Variants in SLC24A2 observed in about 807,000 individuals in gnomAD.
The protein encoded by SLC24A2 is solute carrier family 24 member 2.
Under a neutral mutation model 62.0 loss-of-function variants are expected in SLC24A2, and 36 were observed. The observed-to-expected ratio is 0.58, with a 90% CI of 0.44 to 0.77. The LOEUF (loss-of-function observed/expected upper bound fraction) is 0.77. Among genes scored for constraint, SLC24A2 ranks in the 30% least tolerant of loss-of-function variants. The probability of loss-of-function intolerance (pLI) is 0.00; values close to 1 mark genes in which losing one functional copy is unlikely to be tolerated. For missense variants in SLC24A2, 846 were observed against 817.9 expected, an observed-to-expected ratio of 1.03 and a Z score of -0.42; for synonymous variants, 358 against 294.0, an observed-to-expected ratio of 1.22 and a Z score of -2.23.
chr9:19,792,442 C>G (rs923304285), upstream of SLC24A2, among the ~76,000 whole-genome samples: 2 of 150,872 alleles, frequency 1.3e-5, no homozygotes, highest in African/African-American at 2.4e-5. Flanking sequence ...CGCCTTTAAT[C>G]CCAGCACTTT....
At chr9:19,647,919 A>G (rs1587092494) in intron 2 of SLC24A2, among the ~76,000 whole-genome samples, 1 of 152,198 alleles carries the variant, frequency 6.6e-6, no homozygotes, top group East Asian at 1.9e-4. Flanking sequence ...TCCAATAACG[A>G]TTGTGAATCC....
At chr9:19,725,009 C>T (rs911765801) in intron 2 of SLC24A2, among the ~76,000 whole-genome samples, 2 of 152,160 alleles carry the variant, frequency 1.3e-5, no homozygotes, top group Non-Finnish European at 2.9e-5. Flanking sequence ...ACCTTTCCAG[C>T]GCTGGTCTGC....
the SLC24A2 span, among the ~76,000 whole-genome samples, chr9:20,095,080 T>A: frequency 6.6e-6 from 1 of 152,138 alleles, no homozygotes. Flanking sequence ...GTAGCAGATA[T>A]GACATCCTGT....
chr9:19,988,713 T>C, the SLC24A2 span, among the ~76,000 whole-genome samples: 8 of 152,160 alleles, frequency 5.3e-5, no homozygotes, highest in African/African-American at 1.9e-4. Context: ...GTTCTGCTTT[T>C]GTGGAAGTAC....
the SLC24A2 span, among the ~76,000 whole-genome samples, chr9:19,861,647 C>G: frequency 6.6e-6 from 1 of 151,974 alleles, no homozygotes; most frequent in African/African-American, 2.4e-5. Context: ...ACAGATAACT[C>G]AAAATAGCTT....
chr9:20,286,582 G>T, the SLC24A2 span, among the ~76,000 whole-genome samples: 3 of 152,330 alleles, frequency 2.0e-5, no homozygotes, highest in South Asian at 2.1e-4. Flanking sequence ...TGCTGCAAGG[G>T]GGGGCTGAGA....
chr9:19,527,732 A>G (rs373907402), intron 9 of SLC24A2, among the ~76,000 whole-genome samples: 45 of 152,212 alleles, frequency 3.0e-4, no homozygotes, highest in African/African-American at 1.1e-3. Flanking sequence ...AGTCAGTACT[A>G]CTGAACCAGG....
the SLC24A2 span, among the ~76,000 whole-genome samples, chr9:19,948,897 C>CAGA: frequency 6.6e-6 from 1 of 151,088 alleles, no homozygotes; most frequent in Non-Finnish European, 1.5e-5. Context: ...GGTGGGGTCT[C>CAGA]AGAGATTTAA....
At chr9:20,081,121 T>C in the SLC24A2 span, among the ~76,000 whole-genome samples, 1 of 152,186 alleles carries the variant, frequency 6.6e-6, no homozygotes, top group African/African-American at 2.4e-5. Context: ...AGCCATCCCA[T>C]TACTGGGCAT....
the SLC24A2 span, among the ~76,000 whole-genome samples, chr9:20,145,686 A>C: frequency 6.6e-6 from 1 of 151,642 alleles, no homozygotes; most frequent in Middle Eastern, 3.2e-3. Context: ...CAACATATAC[A>C]ATCCTACCCC....
At chr9:20,053,104 A>T in the SLC24A2 span, among the ~76,000 whole-genome samples, 1 of 152,200 alleles carries the variant, frequency 6.6e-6, no homozygotes, top group Non-Finnish European at 1.5e-5. Context: ...TTTGACAGCC[A>T]TCTTGTCTCT....
the SLC24A2 span, among the ~76,000 whole-genome samples, chr9:20,130,492 C>T: frequency 6.6e-6 from 1 of 151,326 alleles, no homozygotes; most frequent in African/African-American, 2.4e-5. Flanking sequence ...GGAAACCACA[C>T]AAGCAAGAAC....
intron 7 of SLC24A2, among the ~76,000 whole-genome samples, chr9:19,559,194 A>G (rs1586957698): frequency 6.6e-6 from 1 of 150,834 alleles, no homozygotes; most frequent in Non-Finnish European, 1.5e-5. Context: ...CATGTAGGAG[A>G]AAAAAAGCTT....
At chr9:19,883,421 A>G in the SLC24A2 span, among the ~76,000 whole-genome samples, 1 of 152,198 alleles carries the variant, frequency 6.6e-6, no homozygotes, top group Non-Finnish European at 1.5e-5. Flanking sequence ...TAAAATAAAA[A>G]CCAGACTGTA....
At chr9:19,927,298 C>G in the SLC24A2 span, 1 of 152,230 alleles carries the variant, frequency 6.6e-6, no homozygotes, top group Non-Finnish European at 1.5e-5. Context: ...CGCACTCTAT[C>G]CAGTGCTTAA....
upstream of SLC24A2, among the ~76,000 whole-genome samples, chr9:19,793,022 C>G (rs923662304): frequency 2.0e-5 from 3 of 152,140 alleles, no homozygotes; most frequent in African/African-American, 7.2e-5. Flanking sequence ...CTGTGAGCCC[C>G]GTGAGAACAA....
At chr9:19,738,927 G>A (rs1821590687) in intron 2 of SLC24A2, among the ~76,000 whole-genome samples, 1 of 152,108 alleles carries the variant, frequency 6.6e-6, no homozygotes, top group Admixed American at 6.6e-5. Flanking sequence ...GACCAGCCTG[G>A]CCAATATGGT....
the SLC24A2 span, among the ~76,000 whole-genome samples, chr9:20,078,088 T>C: frequency 6.6e-6 from 1 of 152,102 alleles, no homozygotes; most frequent in East Asian, 1.9e-4. Context: ...TTACACTTGG[T>C]CTTTCAGTAG....
intron 9 of SLC24A2, among the ~76,000 whole-genome samples, chr9:19,524,550 A>T (rs769413633): frequency 1.4e-4 from 22 of 152,354 alleles, no homozygotes; most frequent in Middle Eastern, 3.4e-3. Flanking sequence ...AAAGAGTTGA[A>T]CACTATATAA....
Sources: allele counts gnomAD v4.1 joint callset (sites outside exome capture counted in the v4.1 genomes callset), GRCh38; gene constraint gnomAD v4.1.1; transcripts MANE v1.5; gene names NCBI Gene and HGNC (gene_info 2026-07-23, HGNC 2026-07-21).